ALMS1: variants seen among roughly 807,000 people sequenced by gnomAD.
ALMS1 encodes centrosome-associated protein ALMS1.
Under a neutral mutation model 352.2 loss-of-function variants are expected in ALMS1, and 271 were observed. That is an observed-to-expected ratio of 0.77 (90% CI 0.70 to 0.85). The LOEUF (loss-of-function observed/expected upper bound fraction) is 0.85, where lower values mean the gene tolerates loss of function less well. ALMS1 is among the 40% of genes least tolerant of loss of function. The pLI, the probability that ALMS1 is intolerant of heterozygous loss-of-function variation, is 0.00. For missense variants in ALMS1, 5,445 were observed against 4,870.7 expected (o/e 1.12, Z -3.51); for synonymous variants, 1,865 against 1,761.2 (o/e 1.06, Z -1.48).
chr2:73,542,115 C>T (rs1674197525), intron 12 of ALMS1, among the ~76,000 whole-genome samples: 1 of 152,072 alleles, frequency 6.6e-6, no homozygotes, highest in African/African-American at 2.4e-5. Context: ...TGCAAAAATC[C>T]TCAATAAAAT....
chr2:73,575,480 C>T (rs1453948523), intron 16 of ALMS1, among the ~76,000 whole-genome samples: 1 of 152,164 alleles, frequency 6.6e-6, no homozygotes, highest in Non-Finnish European at 1.5e-5. Flanking sequence ...CTTGCCAACA[C>T]TTATTTTCCA....
At chr2:73,562,442 T>G (rs550601817) in intron 15 of ALMS1, among the ~76,000 whole-genome samples, 1 of 151,972 alleles carries the variant, frequency 6.6e-6, no homozygotes, top group South Asian at 2.1e-4. Flanking sequence ...AAAGAATGAA[T>G]CATGCAGGCC....
intron 16 of ALMS1, among the ~76,000 whole-genome samples, chr2:73,587,543 T>A (rs1040074401): frequency 1.3e-5 from 2 of 152,224 alleles, no homozygotes; most frequent in African/African-American, 4.8e-5. Context: ...ATCATGTGAT[T>A]TTTATTTTAA....
chr2:73,565,602 G>A (rs1371709676), intron 15 of ALMS1, among the ~76,000 whole-genome samples: 1 of 152,108 alleles, frequency 6.6e-6, no homozygotes, highest in African/African-American at 2.4e-5. Context: ...ATTTTTATAG[G>A]AAGGGGGAAA....
At chr2:73,549,635 T>C (rs1674388363) in intron 12 of ALMS1, among the ~76,000 whole-genome samples, 2 of 152,230 alleles carry the variant, frequency 1.3e-5, no homozygotes, top group Admixed American at 6.5e-5. Context: ...AACTACTTTT[T>C]TTCCAAGATA....
At chr2:73,588,646 C>G (rs1246720405) in intron 16 of ALMS1, among the ~76,000 whole-genome samples, 3 of 152,026 alleles carry the variant, frequency 2.0e-5, no homozygotes, top group Non-Finnish European at 2.9e-5. Flanking sequence ...CAGTAGTTTT[C>G]CTTTATGAAG....
At chr2:73,465,895 C>T (rs1330514789) in intron 9 of ALMS1, among the ~76,000 whole-genome samples, 1 of 152,222 alleles carries the variant, frequency 6.6e-6, no homozygotes, top group Non-Finnish European at 1.5e-5. Context: ...TGCTCATCAT[C>T]ACTGGACATC....
At chr2:73,395,108 GTCTCGC>G (rs1670735886) in intron 1 of ALMS1, among the ~76,000 whole-genome samples, 1 of 117,464 alleles carries the variant, frequency 8.5e-6, no homozygotes, top group Non-Finnish European at 1.6e-5. Flanking sequence ...TTGAGACAGA[GTCTCGC>G]TCTGTCACCG....
intron 2 of ALMS1, among the ~76,000 whole-genome samples, chr2:73,410,816 CTAA>C (rs200084741): frequency 0.036 from 5,418 of 152,112 alleles, 311 homozygotes; most frequent in African/African-American, 0.12. Flanking sequence ...ATTAGTGTTA[CTAA>C]TAATGGTTAA....
intron 16 of ALMS1, among the ~76,000 whole-genome samples, chr2:73,576,087 T>C (rs1236919874): frequency 6.6e-6 from 1 of 152,198 alleles, no homozygotes; most frequent in African/African-American, 2.4e-5. Flanking sequence ...TTTTTCCCCA[T>C]TGAATGTTCT....
Position 73,449,613 on chromosome 2 carries a change from T to A in ALMS1, c.3086T>A (p.Val1029Asp). The A allele has an allele frequency of 1.2e-6, 2 of 1,614,040 alleles. No individual in the cohort carries two copies. Among genetic ancestry groups the A allele is most frequent in the Non-Finnish European group, 1.7e-6 (2 of 1,179,966 alleles). ...DSYATEKALK[V>D]STGPGPADQK... Reference sequence around the variant, plus strand: ...TATGCAACTGAAAAGGCTCTGAAAGTTTCAACTGGCCCTGGACCAGCTGAC... The same window carrying A: ...TATGCAACTGAAAAGGCTCTGAAAGATTCAACTGGCCCTGGACCAGCTGAC... The change falls in exon 8 of 23, where the codon GTT becomes GAT. Residue 1029 changes from valine (V) to aspartate (D), a missense_variant. By Grantham distance (152) the Val-to-Asp change is radical. Transcript: ENST00000613296.
chr2:73,491,563 A>G (rs889106151), intron 10 of ALMS1, 65 bp downstream of exon 10: 78 of 1,547,952 alleles, frequency 5.0e-5, no homozygotes, highest in Non-Finnish European at 6.7e-5. Context: ...CAAATACTTA[A>G]GTAGATATCG....
chr2:73,540,091 G>A (rs1674137577), intron 12 of ALMS1, among the ~76,000 whole-genome samples: 1 of 152,214 alleles, frequency 6.6e-6, no homozygotes, highest in South Asian at 2.1e-4. Context: ...AAGTTGAAAT[G>A]AAGGAGAAAA....
At chr2:73,495,490 C>G (rs977172319) in intron 10 of ALMS1, among the ~76,000 whole-genome samples, 3 of 152,106 alleles carry the variant, frequency 2.0e-5, no homozygotes, top group Non-Finnish European at 4.4e-5. Context: ...CCCACCTCGG[C>G]CTCCCAAAAT....
At chr2:73,514,299 T>G (rs1218290373) in intron 10 of ALMS1, among the ~76,000 whole-genome samples, 1 of 152,130 alleles carries the variant, frequency 6.6e-6, no homozygotes, top group East Asian at 1.9e-4. Flanking sequence ...CATGCTATTT[T>G]CTCTATTGGC....
intron 9 of ALMS1, among the ~76,000 whole-genome samples, chr2:73,478,396 T>C (rs946065013): frequency 6.6e-6 from 1 of 152,104 alleles, no homozygotes; most frequent in African/African-American, 2.4e-5. Context: ...GTTAAAAAAT[T>C]TGTAAGATAT....
rs199573929 is a variant in ALMS1, at chr2:73,448,563, A to G, written c.2036A>G (p.Tyr679Cys). The G allele has an allele frequency of 2.4e-3, 3,896 of 1,613,872 alleles. 7 individuals are homozygous for G. Among genetic ancestry groups the G allele is most frequent in the Non-Finnish European group, 2.9e-3 (3,422 of 1,179,904 alleles). ...CATGTAGAGGACCTCCTCTTTTTCT[A>G]TCGACAGACCTTGCCAGATGGTCAT... ...HSHVEDLLFFYRQTLPDGHLT... is the reference protein window; with the variant it reads ...HSHVEDLLFFCRQTLPDGHLT... Residue 679 changes from tyrosine (Y) to cysteine (C), a missense_variant, in exon 8 of 23, where the codon TAT (tyrosine) becomes TGT (cysteine). Transcript: ENST00000613296.
At chr2:73,488,200 C>T (rs188128517) in intron 9 of ALMS1, among the ~76,000 whole-genome samples, 81 of 152,288 alleles carry the variant, frequency 5.3e-4, no homozygotes, top group African/African-American at 1.8e-3. Context: ...TGTCAGGGGG[C>T]GCCTGCAGGC....
At chr2:73,438,936 G>A (rs1348765340) in intron 7 of ALMS1, among the ~76,000 whole-genome samples, 1 of 151,492 alleles carries the variant, frequency 6.6e-6, no homozygotes, top group African/African-American at 2.4e-5. Context: ...AATTTTCTTT[G>A]TTCTGAAGAT....
Sources: allele counts gnomAD v4.1 joint callset (sites outside exome capture counted in the v4.1 genomes callset), GRCh38; gene constraint gnomAD v4.1.1; transcripts MANE v1.5; gene names NCBI Gene and HGNC (gene_info 2026-07-23, HGNC 2026-07-21).